The following CDH20 variants were observed in gnomAD, a reference collection of about 807,000 sequenced individuals.
The protein encoded by CDH20 is cadherin-20.
In CDH20, 29 loss-of-function variants were observed where a neutral mutation model predicts 74.2. That is an observed-to-expected ratio of 0.39 (90% CI 0.29 to 0.53). The LOEUF (loss-of-function observed/expected upper bound fraction) is 0.53, where lower values mean the gene tolerates loss of function less well. Among genes scored for constraint, CDH20 ranks in the 20% least tolerant of loss-of-function variants. The pLI is 0.69. For synonymous variants in CDH20, 469 were observed against 405.4 expected, an observed-to-expected ratio of 1.16 and a Z score of -1.88; for missense variants, 988 against 1,048.3, an observed-to-expected ratio of 0.94 and a Z score of 0.79.
rs748142055 is a variant in CDH20, at chr18:61,554,362, G to C, written c.2073G>C (p.Ala691=). 2 of 1,613,008 alleles carry C rather than the reference G, an allele frequency of 1.2e-6. No homozygotes were observed. Among genetic ancestry groups the C allele is most frequent in the Admixed American group, 3.3e-5 (2 of 59,994 alleles). Residue 691 remains alanine (A), a synonymous_variant, in exon 12 of 12, where the codon GCG becomes GCC. Transcript: ENST00000262717. The part of the protein sequence containing the change: ...AAMWNPREAQ[A]GAAPKTRQDM... ...TGTGGAACCCCCGGGAGGCGCAGGC[G>C]GGGGCCGCCCCCAAGACGCGGCAGG...
In CDH20 at chr18:61,512,744, CTTCATTTCGT is replaced by C. The variant is rs371268057; in HGVS notation, c.1017+5186_1017+5195del. ...TTTCAAAGAACATCTTTATTTCTGC[CTTCATTTCGT>C]TATGTACCCAGTAGTCATTCAGGAG... On this transcript the variant is annotated intron_variant, in intron 6 of 11. Coordinates refer to ENST00000262717, the MANE Select transcript of CDH20 (RefSeq NM_031891.4). 9.4e-3 allele frequency among the ~76,000 whole-genome samples: 1,435 copies of C among 152,048 alleles called. 27 individuals are homozygous for C. Among genetic ancestry groups the C allele is most frequent in the African/African-American group, 0.032 (1,334 of 41,462 alleles).
chr18:61,540,233 G>A (rs1328490285), intron 9 of CDH20, among the ~76,000 whole-genome samples: 1 of 152,106 alleles, frequency 6.6e-6, no homozygotes, highest in African/African-American at 2.4e-5. Context: ...TGCTGGTGCT[G>A]GATCAATGGG....
intron 1 of CDH20, among the ~76,000 whole-genome samples, chr18:61,351,265 C>T (rs765947915): frequency 2.9e-4 from 44 of 152,112 alleles, no homozygotes; most frequent in Admixed American, 9.2e-4. Context: ...TTATTGAGAG[C>T]CACTGCCATA....
At chr18:61,545,267 T>A in intron 10 of CDH20, 123 bp downstream of exon 10, 3 of 669,850 alleles carry the variant, frequency 4.5e-6, no homozygotes, top group Non-Finnish European at 2.6e-6. Flanking sequence ...AGGATGTTAA[T>A]AATTCAGTGT....
At chr18:61,538,456 G>A (rs909983562) in intron 8 of CDH20, among the ~76,000 whole-genome samples, 2 of 151,706 alleles carry the variant, frequency 1.3e-5, no homozygotes, top group Non-Finnish European at 2.9e-5. Flanking sequence ...ACCTTATTCT[G>A]TCCAAACTTC....
chr18:61,360,804 C>A (rs910975578), intron 1 of CDH20, among the ~76,000 whole-genome samples: 1 of 152,238 alleles, frequency 6.6e-6, no homozygotes, highest in African/African-American at 2.4e-5. Flanking sequence ...CCAAGGCTGG[C>A]CGCAGACAAA....
chr18:61,401,512 T>C (rs1358966601), intron 1 of CDH20, among the ~76,000 whole-genome samples: 1 of 152,178 alleles, frequency 6.6e-6, no homozygotes, highest in Non-Finnish European at 1.5e-5. Flanking sequence ...ACTTAGATAC[T>C]AGACAACCAA....
At chr18:61,405,318 T>C (rs1912296645) in intron 1 of CDH20, 3 of 265,758 alleles carry the variant, frequency 1.1e-5, no homozygotes, top group Non-Finnish European at 2.2e-5. Flanking sequence ...TTGGGTTTGG[T>C]GGCTCATGCC....
chr18:61,504,452 G>C (rs9961963), intron 5 of CDH20, among the ~76,000 whole-genome samples: 9,466 of 152,268 alleles, frequency 0.062, 435 homozygotes, highest in East Asian at 0.2. Flanking sequence ...AATAAAAATA[G>C]AGGACGCATA....
intron 1 of CDH20, among the ~76,000 whole-genome samples, chr18:61,381,327 G>T (rs1414162331): frequency 6.6e-6 from 1 of 152,148 alleles, no homozygotes; most frequent in African/African-American, 2.4e-5. Context: ...TCTCTGATCA[G>T]GCATTTTACT....
intron 1 of CDH20, among the ~76,000 whole-genome samples, chr18:61,431,502 G>T (rs536354804): frequency 3.9e-5 from 6 of 152,004 alleles, no homozygotes; most frequent in Non-Finnish European, 7.4e-5. Flanking sequence ...TTTGTTCATT[G>T]GTTCTAATGT....
rs1300678663 is a variant in CDH20 at position 61,499,499 on chromosome 18, G to A, written c.541+19G>A. The A allele has an allele frequency of 6.4e-7, 1 of 1,573,970 alleles. No homozygotes were observed. The highest frequency in any genetic ancestry group is 8.6e-7 in the Non-Finnish European group (1 of 1,159,164). ...CCTGTGGGTAAGGTGGTGACTCGCT[G>A]ATTTTCACAAATAGCACCTCCTATA... On this transcript the variant is annotated intron_variant, in intron 3 of 11. Coordinates refer to ENST00000262717, the MANE Select transcript of CDH20 (RefSeq NM_031891.4).
At chr18:61,365,830 T>C (rs928959017) in intron 1 of CDH20, among the ~76,000 whole-genome samples, 1 of 152,182 alleles carries the variant, frequency 6.6e-6, no homozygotes, top group Non-Finnish European at 1.5e-5. Flanking sequence ...GATACAACAT[T>C]TGGCCATACC....
Position 61,458,032 on chromosome 18 carries a change from A to C in CDH20, c.-152-32370A>C, listed in dbSNP as rs73963102. On this transcript the variant is annotated intron_variant, in intron 1 of 11. Coordinates refer to ENST00000262717, the MANE Select transcript of CDH20 (RefSeq NM_031891.4). ...TCTACAGCATAATGTGTGTGTTTAA[A>C]CAAACATGACTGTCTTTCTGATCAT... Among the ~76,000 whole-genome samples the C allele has an allele frequency of 1.5e-3, 234 of 152,280 alleles. 2 individuals carry two copies. The highest frequency in any genetic ancestry group is 5.5e-3 in the African/African-American group (228 of 41,564).
At chr18:61,459,821 G>A (rs1909707954) in intron 1 of CDH20, among the ~76,000 whole-genome samples, 2 of 152,272 alleles carry the variant, frequency 1.3e-5, no homozygotes, top group African/African-American at 4.8e-5. Context: ...TTATTAACTA[G>A]GAATACTCTA....
At chr18:61,465,341 C>T (rs1248987104) in intron 1 of CDH20, among the ~76,000 whole-genome samples, 1 of 152,320 alleles carries the variant, frequency 6.6e-6, no homozygotes, top group Admixed American at 6.5e-5. Flanking sequence ...TCAATCATAA[C>T]TTTGGATCTG....
chr18:61,393,621 C>T (rs929376029), intron 1 of CDH20, among the ~76,000 whole-genome samples: 3 of 152,122 alleles, frequency 2.0e-5, no homozygotes, highest in African/African-American at 7.2e-5. Context: ...AGATTGGCAC[C>T]TGTGGATAGT....
chr18:61,552,813 C>T (rs1438091742), intron 11 of CDH20, among the ~76,000 whole-genome samples: 1 of 152,198 alleles, frequency 6.6e-6, no homozygotes, highest in Non-Finnish European at 1.5e-5. Flanking sequence ...TTACTGAATC[C>T]TGCAAACACA....
chr18:61,476,957 A>G (rs1910409744), intron 1 of CDH20, among the ~76,000 whole-genome samples: 1 of 152,188 alleles, frequency 6.6e-6, no homozygotes, highest in Non-Finnish European at 1.5e-5. Context: ...TTGTGGGGGC[A>G]CAAGCACTCG....
Sources: allele counts gnomAD v4.1 joint callset (sites outside exome capture counted in the v4.1 genomes callset), GRCh38; gene constraint gnomAD v4.1.1; transcripts MANE v1.5; gene names NCBI Gene and HGNC (gene_info 2026-07-23, HGNC 2026-07-21).